SNX29: variants seen among roughly 807,000 people sequenced by gnomAD.
SNX29 encodes sorting nexin-29.
SNX29 carries 78 observed loss-of-function variants against 102.1 expected under a neutral mutation model. The observed-to-expected ratio is 0.76, with a 90% CI of 0.64 to 0.92. The LOEUF is 0.92. Among genes scored for constraint, SNX29 ranks in the 40% least tolerant of loss-of-function variants. The pLI is 0.00. For missense variants in SNX29, 1,280 were observed against 1,061.7 expected, an observed-to-expected ratio of 1.21 and a Z score of -2.86; for synonymous variants, 580 against 414.5, an observed-to-expected ratio of 1.40 and a Z score of -4.85.
At chr16:12,112,095 C>G (rs2053524129) in intron 11 of SNX29, among the ~76,000 whole-genome samples, 1 of 152,222 alleles carries the variant, frequency 6.6e-6, no homozygotes, top group African/African-American at 2.4e-5. Context: ...CTGCTGAACT[C>G]TGGGAGCTCT....
At chr16:12,228,842 T>C (rs535857572) in intron 14 of SNX29, among the ~76,000 whole-genome samples, 1 of 152,338 alleles carries the variant, frequency 6.6e-6, no homozygotes, top group South Asian at 2.1e-4. Flanking sequence ...TGAGGCCACA[T>C]GGCGAGTCAA....
intron 11 of SNX29, chr16:12,087,844 C>T (rs764525548): frequency 4.4e-5 from 20 of 456,818 alleles, no homozygotes; most frequent in Non-Finnish European, 5.7e-5. Flanking sequence ...TCCTGGTTGA[C>T]GTGGCTGGGA....
chr16:12,509,640 C>G (rs1315253860), intron 19 of SNX29, among the ~76,000 whole-genome samples: 2 of 152,094 alleles, frequency 1.3e-5, no homozygotes, highest in Non-Finnish European at 2.9e-5. Flanking sequence ...TGAGTGAAAC[C>G]AAGGGTAGTG....
At chr16:12,546,139 C>A (rs563341941) in intron 20 of SNX29, 2 of 152,192 alleles carry the variant, frequency 1.3e-5, no homozygotes, top group South Asian at 4.1e-4. Context: ...CAAAACAGAG[C>A]TAATAACCTC....
At chr16:12,031,218 G>T (rs1201398632) in intron 4 of SNX29, among the ~76,000 whole-genome samples, 2 of 151,990 alleles carry the variant, frequency 1.3e-5, no homozygotes. Flanking sequence ...CACTACAGGT[G>T]TGTACCACCA....
intron 17 of SNX29, 27 bp from the exon 18 acceptor site, chr16:12,403,421 T>C: frequency 6.3e-7 from 1 of 1,577,024 alleles, no homozygotes; most frequent in South Asian, 1.2e-5. Flanking sequence ...TGTCTAATGT[T>C]GGTCTCTCTC....
chr16:12,508,095 G>C (rs1447164427), intron 19 of SNX29, among the ~76,000 whole-genome samples: 3 of 152,260 alleles, frequency 2.0e-5, no homozygotes, highest in African/African-American at 7.2e-5. Flanking sequence ...CTGTAAAAGG[G>C]AGGTACCGCT....
rs571239207 is a variant in SNX29 at position 12,215,571 on chromosome 16, G to C, written c.1678+15888G>C. ...CCTGGGCTCCAGAGGGGGGTGCCTG[G>C]TCTTTTTAGTTCAAGATTTCTGCCA... On this transcript the variant is annotated intron_variant, in intron 14 of 20. Coordinates refer to ENST00000566228, the MANE Select transcript of SNX29 (RefSeq NM_032167.5). Among the ~76,000 whole-genome samples the C allele has an allele frequency of 7.2e-5, 11 of 152,282 alleles. No homozygotes were observed. The East Asian group carries it at 1.5e-3, about 21-fold the overall frequency.
intron 14 of SNX29, among the ~76,000 whole-genome samples, chr16:12,225,210 T>C (rs2077578188): frequency 6.6e-6 from 1 of 152,242 alleles, no homozygotes. Flanking sequence ...GCTGAACTCT[T>C]AATGTATCTA....
chr16:12,121,772 A>G (rs1036329004), intron 11 of SNX29, among the ~76,000 whole-genome samples: 8 of 152,066 alleles, frequency 5.3e-5, no homozygotes, highest in South Asian at 2.1e-4. Context: ...TTAGGGTTTC[A>G]TTTAAGGGTG....
At chr16:12,311,679 A>G (rs2080556012) in intron 15 of SNX29, among the ~76,000 whole-genome samples, 1 of 152,208 alleles carries the variant, frequency 6.6e-6, no homozygotes, top group Admixed American at 6.5e-5. Context: ...TCGGAAAAAC[A>G]CAGTCTGTTA....
chr16:12,027,630 A>C (rs1009121585), intron 4 of SNX29, 186 bp downstream of exon 4: 1 of 635,772 alleles, frequency 1.6e-6, no homozygotes, highest in East Asian at 3.7e-5. Flanking sequence ...TCTTAATTTA[A>C]ATGAAGTCAT....
intron 5 of SNX29, among the ~76,000 whole-genome samples, chr16:12,044,221 A>G (rs1348792771): frequency 3.9e-5 from 6 of 152,198 alleles, no homozygotes; most frequent in Admixed American, 6.5e-5. Context: ...GTAAGTGGGC[A>G]GTTTGTGAGT....
chr16:12,330,335 C>T (rs1347256366), intron 15 of SNX29, among the ~76,000 whole-genome samples: 2 of 152,142 alleles, frequency 1.3e-5, no homozygotes, highest in African/African-American at 2.4e-5. Context: ...AGCATGGTGG[C>T]GGACGCCTCT....
rs143421742 is a variant in SNX29 at position 12,547,440 on chromosome 16, G to A, written c.2319-21066G>A. On this transcript the variant is annotated intron_variant, in intron 20 of 20. Transcript: ENST00000566228. The stretch of plus-strand genomic sequence containing the variant: ...CCATGTGGGCACCCCGGGGAGAGGG[G>A]ATGGTGCCTCAGGCAGCCTGGGAAG... 6.9e-3 allele frequency among the ~76,000 whole-genome samples: 1,055 copies of A among 152,280 alleles called. 14 individuals carry two copies. Among genetic ancestry groups the A allele is most frequent in the African/African-American group, 0.024 (1,003 of 41,558 alleles).
At chr16:12,331,957 G>A (rs1211261894) in intron 15 of SNX29, among the ~76,000 whole-genome samples, 1 of 152,142 alleles carries the variant, frequency 6.6e-6, no homozygotes, top group Non-Finnish European at 1.5e-5. Context: ...CTACTTGGGA[G>A]GCTGACACAG....
chr16:12,308,024 C>T (rs1041519243), intron 15 of SNX29, among the ~76,000 whole-genome samples: 3 of 152,230 alleles, frequency 2.0e-5, no homozygotes, highest in African/African-American at 7.2e-5. Context: ...ATTCTGCCTT[C>T]ATGGTGCTCA....
chr16:12,071,543 A>T (rs185164855), intron 10 of SNX29, among the ~76,000 whole-genome samples: 3,024 of 152,288 alleles, frequency 0.02, 59 homozygotes, highest in Non-Finnish European at 0.029. Flanking sequence ...CTGTTTTGGT[A>T]CCAGTACCAT....
intron 1 of SNX29, among the ~76,000 whole-genome samples, chr16:11,991,652 C>A (rs1049704719): frequency 6.6e-6 from 1 of 151,748 alleles, no homozygotes; most frequent in African/African-American, 2.4e-5. Flanking sequence ...AAGTGATTCT[C>A]CTGCCTCAGC....
Sources: allele counts gnomAD v4.1 joint callset (sites outside exome capture counted in the v4.1 genomes callset), GRCh38; gene constraint gnomAD v4.1.1; transcripts MANE v1.5; gene names NCBI Gene and HGNC (gene_info 2026-07-23, HGNC 2026-07-21).